The following SPTBN4 variants were observed in gnomAD, a reference collection of about 807,000 sequenced individuals.
SPTBN4 encodes spectrin beta, non-erythrocytic 4.
A neutral mutation model predicts 277.8 loss-of-function variants in SPTBN4; 96 were observed. The ratio of observed to expected loss-of-function variants is 0.35; its 90% confidence interval spans 0.29 to 0.41. SPTBN4 has a LOEUF of 0.41. Ranked by LOEUF, SPTBN4 falls within the 10% of genes least tolerant of loss-of-function variation. SPTBN4 has a pLI of 1.00. For missense variants in SPTBN4, 3,006 were observed against 3,595.7 expected (o/e 0.84, Z 4.19); for synonymous variants, 1,481 against 1,580.3 (o/e 0.94, Z 1.49).
At chr19:40,494,866 T>C (rs1180835741) in intron 5 of SPTBN4, 31 bp from the exon 6 acceptor site, 1 of 1,606,630 alleles carries the variant, frequency 6.2e-7, no homozygotes, top group Non-Finnish European at 8.5e-7. Flanking sequence ...TCTCCCCATC[T>C]CTGCCTCTGT....
intron 20 of SPTBN4, among the ~76,000 whole-genome samples, chr19:40,536,275 G>A (rs1239791478): frequency 1.3e-5 from 2 of 151,672 alleles, no homozygotes; most frequent in Non-Finnish European, 2.9e-5. Flanking sequence ...GTGTGGTGGT[G>A]CAATGTCTGC....
chr19:40,492,570 G>A (rs1227837777), intron 4 of SPTBN4, among the ~76,000 whole-genome samples: 1 of 152,170 alleles, frequency 6.6e-6, no homozygotes, highest in African/African-American at 2.4e-5. Flanking sequence ...GTGTTGAAAA[G>A]AGGAGCAAGG....
rs190732199 is a variant in SPTBN4 at position 40,546,352 on chromosome 19, G to A, written c.4360-2837G>A. Among the ~76,000 whole-genome samples the A allele has an allele frequency of 3.0e-3, 462 of 152,048 alleles. 3 individuals are homozygous for A. Among genetic ancestry groups the A allele is most frequent in the Non-Finnish European group, 2.0e-3 (138 of 67,982 alleles). ...CATATGCTTGTTTTGTCTGTTGCCT[G>A]TTCACATCTGATGCCCATTTCTCTT... On this transcript the variant is annotated intron_variant, in intron 20 of 35. Transcript: ENST00000598249.
chr19:40,559,651 A>G (rs1450570187), intron 26 of SPTBN4, among the ~76,000 whole-genome samples: 1 of 152,210 alleles, frequency 6.6e-6, no homozygotes, highest in Admixed American at 6.5e-5. Context: ...CTGTCTCAGA[A>G]AAACAAACAA....
Position 40,549,180 on chromosome 19 carries a change from T to C in SPTBN4, c.4360-9T>C. The C allele has an allele frequency of 6.5e-7, 1 of 1,537,788 alleles. No individual in the cohort carries two copies. Among genetic ancestry groups the C allele is most frequent in the South Asian group, 1.2e-5 (1 of 83,192 alleles). ...GTGGGGCCCATTGACCCTGCCTCTG[T>C]CCCCACAGTCCATGGAGTCGCAGGT... On this transcript the variant is annotated splice_polypyrimidine_tract_variant and intron_variant, in intron 20 of 35. Transcript: ENST00000598249.
chr19:40,473,545 C>T (rs1051014371), intron 2 of SPTBN4, among the ~76,000 whole-genome samples: 1 of 151,564 alleles, frequency 6.6e-6, no homozygotes, highest in Non-Finnish European at 1.5e-5. Flanking sequence ...TTACTAGAGA[C>T]GGGGTTTCTC....
At chr19:40,552,311 C>T (rs563047459) in intron 22 of SPTBN4, among the ~76,000 whole-genome samples, 31 of 151,318 alleles carry the variant, frequency 2.0e-4, no homozygotes, top group Middle Eastern at 3.4e-3. Context: ...AAAAATTAGC[C>T]GGGCGAGGTG....
chr19:40,532,505 C>T (rs1289942401), intron 18 of SPTBN4, 120 bp from the exon 19 acceptor site: 2 of 1,311,422 alleles, frequency 1.5e-6, no homozygotes, highest in African/African-American at 3.0e-5. Context: ...TCATCCTTTC[C>T]TATTCCTTCC....
At chr19:40,534,621 C>T in intron 20 of SPTBN4, 1 of 432,434 alleles carries the variant, frequency 2.3e-6, no homozygotes, top group Non-Finnish European at 4.2e-6. Flanking sequence ...TTCACAGGAC[C>T]CTGACACTCA....
intron 24 of SPTBN4, among the ~76,000 whole-genome samples, chr19:40,555,516 A>G (rs1208106993): frequency 6.6e-6 from 1 of 150,930 alleles, no homozygotes; most frequent in Non-Finnish European, 1.5e-5. Context: ...AAAGAAAAGA[A>G]AAAAAAAGAA....
chr19:40,537,150 C>T (rs2080747544), intron 20 of SPTBN4, among the ~76,000 whole-genome samples: 1 of 152,156 alleles, frequency 6.6e-6, no homozygotes, highest in Admixed American at 6.5e-5. Context: ...GCTGGGATTA[C>T]AGGCCTGTGC....
At position 40,572,394 on chromosome 19, in the gene SPTBN4, C is replaced by T. The variant is rs1437231157; in HGVS notation, c.7536+14C>T. 6.2e-7 allele frequency: 1 copy of T among 1,614,174 alleles called. No individual in the cohort carries two copies. Among genetic ancestry groups the T allele is most frequent in the Admixed American group, 1.7e-5 (1 of 60,020 alleles). ...GCAAAAGATGAGGTGAGATCTGGTC[C>T]TTTCCTCCCTCTGTGTGGACCTCAG... On this transcript the variant is annotated intron_variant, in intron 35 of 35. Transcript: ENST00000598249.
chr19:40,536,290 T>C (rs112445877), intron 20 of SPTBN4, among the ~76,000 whole-genome samples: 4,092 of 151,882 alleles, frequency 0.027, 83 homozygotes, highest in African/African-American at 0.055. Context: ...GTCTGCTCAC[T>C]GCAACCTCTA....
At position 40,467,063 on chromosome 19, in the gene SPTBN4, C is replaced by T. The variant is rs1454714541; in HGVS notation, c.-258C>T. 2.0e-5 allele frequency among the ~76,000 whole-genome samples: 3 copies of T among 150,544 alleles called. No individual in the cohort carries two copies. The highest frequency in any genetic ancestry group is 4.4e-5 in the Non-Finnish European group (3 of 67,524). On this transcript the variant is annotated 5_prime_UTR_variant, in exon 1 of 36. Coordinates refer to ENST00000598249, the MANE Select transcript of SPTBN4 (RefSeq NM_020971.3). ...GCGGCCGGGTGTGACTGCGCGTGGG[C>T]CTCGGGCGGCGGGGCGCGGGGACCG...
At chr19:40,571,963 A>C in intron 33 of SPTBN4, 56 bp from the exon 34 acceptor site, 2 of 1,485,324 alleles carry the variant, frequency 1.3e-6, no homozygotes, top group South Asian at 1.4e-5. Flanking sequence ...ATGTTAATGA[A>C]GAGTTATTAG....
intron 30 of SPTBN4, 67 bp from the exon 31 acceptor site, chr19:40,567,596 C>T (rs2081107169): frequency 4.3e-6 from 6 of 1,380,194 alleles, no homozygotes; most frequent in Admixed American, 3.4e-5. Flanking sequence ...GGCCGCCTCC[C>T]CGGACCTCCC....
At chr19:40,553,118 G>T (rs1301964074) in intron 22 of SPTBN4, among the ~76,000 whole-genome samples, 1 of 152,158 alleles carries the variant, frequency 6.6e-6, no homozygotes, top group Non-Finnish European at 1.5e-5. Context: ...GAGGAGGTGT[G>T]AGGCTATATT....
At chr19:40,516,730 A>C (rs1286800925) in intron 15 of SPTBN4, among the ~76,000 whole-genome samples, 1 of 152,160 alleles carries the variant, frequency 6.6e-6, no homozygotes, top group Non-Finnish European at 1.5e-5. Context: ...AGGCTGAGGC[A>C]GAAGAATTGC....
rs528587922 is a variant in SPTBN4 at position 40,570,812 on chromosome 19, G to A, written c.7319+84G>A. The A allele has an allele frequency of 1.0e-3, 1,486 of 1,435,892 alleles. 2 individuals are homozygous for A. The highest frequency in any genetic ancestry group is 9.6e-4 in the Non-Finnish European group (1,036 of 1,080,372). 88.9% of individuals were successfully genotyped at this position (1,435,892 alleles called of 1,614,324 possible). A position where few individuals can be genotyped will look rare whatever the true frequency, so the allele number is the denominator to read the frequency against. On this transcript the variant is annotated intron_variant, in intron 33 of 35. Coordinates refer to ENST00000598249, the MANE Select transcript of SPTBN4 (RefSeq NM_020971.3). ...GGAGCGGTGGGACTGAGGAGGGGGTGTGGCTCAACTTCAGGCCCTCCAGCA... is the reference window on the plus strand; with the variant it reads ...GGAGCGGTGGGACTGAGGAGGGGGTATGGCTCAACTTCAGGCCCTCCAGCA...
Sources: allele counts gnomAD v4.1 joint callset (sites outside exome capture counted in the v4.1 genomes callset), GRCh38; gene constraint gnomAD v4.1.1; transcripts MANE v1.5; gene names NCBI Gene and HGNC (gene_info 2026-07-23, HGNC 2026-07-21).